Variants in RAB7A observed in about 807,000 individuals in gnomAD.
RAB7A encodes ras-related protein Rab-7a.
RAB7A carries 2 observed loss-of-function variants against 24.5 expected under a neutral mutation model. The observed-to-expected ratio is 0.08, with a 90% CI of 0.03 to 0.26. The LOEUF (loss-of-function observed/expected upper bound fraction) is 0.26, where lower values mean the gene tolerates loss of function less well. Ranked by LOEUF, RAB7A falls within the 10% of genes least tolerant of loss-of-function variation. The pLI, the probability that RAB7A is intolerant of heterozygous loss-of-function variation, is 1.00. For missense variants in RAB7A, 118 were observed against 255.7 expected (o/e 0.46, Z 3.67); for synonymous variants, 100 against 95.9 (o/e 1.04, Z -0.25).
At chr3:128,769,491 T>C (rs140141167) in intron 1 of RAB7A, among the ~76,000 whole-genome samples, 30 of 152,352 alleles carry the variant, frequency 2.0e-4, no homozygotes, top group African/African-American at 7.0e-4. Flanking sequence ...GGTTTTTTTC[T>C]TACTGTGTTT....
intron 1 of RAB7A, among the ~76,000 whole-genome samples, chr3:128,743,910 T>C (rs1308203824): frequency 6.6e-6 from 1 of 151,290 alleles, no homozygotes; most frequent in Non-Finnish European, 1.5e-5. Context: ...CTCCTCAGCC[T>C]CCCGAGTAGC....
chr3:128,778,183 T>G (rs1415893441), intron 1 of RAB7A, among the ~76,000 whole-genome samples: 1 of 152,196 alleles, frequency 6.6e-6, no homozygotes, highest in African/African-American at 2.4e-5. Context: ...AGTAGAACTG[T>G]CCAATATAGT....
chr3:128,803,999 A>G (rs2107614726), intron 3 of RAB7A, among the ~76,000 whole-genome samples: 1 of 152,342 alleles, frequency 6.6e-6, no homozygotes, highest in East Asian at 1.9e-4. Context: ...GAGAAAAAGA[A>G]TAAAAGCCCC....
At chr3:128,729,215 A>C (rs1463932419) in intron 1 of RAB7A, among the ~76,000 whole-genome samples, 1 of 152,060 alleles carries the variant, frequency 6.6e-6, no homozygotes, top group Non-Finnish European at 1.5e-5. Context: ...TGTGGCTTTG[A>C]ATCAGTTTTC....
chr3:128,759,929 C>CT (rs1350373447), intron 1 of RAB7A, among the ~76,000 whole-genome samples: 2 of 152,148 alleles, frequency 1.3e-5, no homozygotes, highest in Non-Finnish European at 2.9e-5. Context: ...AGGCTGGTCT[C>CT]TAACTCCCGA....
chr3:128,795,548 C>T, intron 2 of RAB7A, 128 bp downstream of exon 2: 1 of 844,434 alleles, frequency 1.2e-6, no homozygotes, highest in Non-Finnish European at 2.0e-6. Flanking sequence ...ATGTTTCCCT[C>T]CACGGCAGAA....
At chr3:128,764,727 C>A (rs540278295) in intron 1 of RAB7A, 9 of 799,644 alleles carry the variant, frequency 1.1e-5, no homozygotes, top group Non-Finnish European at 2.0e-5. Flanking sequence ...TTGCATTCAG[C>A]CCACTCTCCC....
intron 1 of RAB7A, among the ~76,000 whole-genome samples, chr3:128,791,349 C>T (rs899606477): frequency 3.3e-5 from 5 of 152,120 alleles, no homozygotes; most frequent in African/African-American, 9.7e-5. Context: ...CCATGTTGGC[C>T]AGGCTGGTCT....
At chr3:128,763,512 C>T (rs546666266) in intron 1 of RAB7A, among the ~76,000 whole-genome samples, 14 of 152,188 alleles carry the variant, frequency 9.2e-5, no homozygotes, top group Admixed American at 7.2e-4. Context: ...CCACCAAGCC[C>T]GGCCTAGCTT....
chr3:128,727,635 C>G (rs1007250081), intron 1 of RAB7A, among the ~76,000 whole-genome samples: 1 of 152,242 alleles, frequency 6.6e-6, no homozygotes, highest in Admixed American at 6.5e-5. Flanking sequence ...CCTGGCAAAC[C>G]TGCCTAGTGA....
chr3:128,788,646 G>T (rs1019564329), intron 1 of RAB7A, among the ~76,000 whole-genome samples: 2 of 152,124 alleles, frequency 1.3e-5, no homozygotes, highest in African/African-American at 4.8e-5. Context: ...TCACCTCCAC[G>T]TGAGCTGTTA....
intron 1 of RAB7A, among the ~76,000 whole-genome samples, chr3:128,743,361 A>G (rs903311949): frequency 6.6e-6 from 1 of 152,192 alleles, no homozygotes; most frequent in Non-Finnish European, 1.5e-5. Flanking sequence ...CAGCCCAGAG[A>G]GGGGCTCCCA....
intron 1 of RAB7A, among the ~76,000 whole-genome samples, chr3:128,741,707 C>A (rs1210130810): frequency 1.3e-5 from 2 of 152,060 alleles, no homozygotes; most frequent in Non-Finnish European, 2.9e-5. Context: ...TTTAACTCTT[C>A]TGTTTCATTC....
intron 5 of RAB7A, among the ~76,000 whole-genome samples, 184 bp downstream of exon 5, chr3:128,807,855 G>T (rs1018292778): frequency 2.0e-5 from 3 of 152,180 alleles, no homozygotes; most frequent in African/African-American, 4.8e-5. Context: ...ATCCCACTTT[G>T]GGGGGAATAA....
chr3:128,763,088 A>G (rs1279015881), intron 1 of RAB7A, among the ~76,000 whole-genome samples: 1 of 150,070 alleles, frequency 6.7e-6, no homozygotes, highest in Non-Finnish European at 1.5e-5. Flanking sequence ...CCCACATTCT[A>G]GGTTTGTCTG....
intron 1 of RAB7A, chr3:128,785,124 G>T (rs1226731354): frequency 6.6e-6 from 1 of 152,072 alleles, no homozygotes; most frequent in Non-Finnish European, 1.5e-5. Context: ...CTGTAGAAGA[G>T]AGAACAGAAT....
chr3:128,768,969 CTTTTTTTTT>C (rs35457218), intron 1 of RAB7A, among the ~76,000 whole-genome samples: 9 of 72,614 alleles, frequency 1.2e-4, no homozygotes, highest in South Asian at 6.6e-4. Context: ...TCTTTCTTTC[CTTTTTTTTT>C]TTTTTTTTTT....
At chr3:128,796,046 C>T (rs957615510) in intron 2 of RAB7A, among the ~76,000 whole-genome samples, 5 of 152,034 alleles carry the variant, frequency 3.3e-5, no homozygotes, top group African/African-American at 7.2e-5. Context: ...CCACCGCGCC[C>T]GACCCAGATG....
At chr3:128,746,231 T>C (rs2070613336) in intron 1 of RAB7A, among the ~76,000 whole-genome samples, 1 of 152,206 alleles carries the variant, frequency 6.6e-6, no homozygotes, top group Non-Finnish European at 1.5e-5. Flanking sequence ...ATCAGTCTAC[T>C]CTCTACTTCT....
Sources: allele counts gnomAD v4.1 joint callset (sites outside exome capture counted in the v4.1 genomes callset), GRCh38; gene constraint gnomAD v4.1.1; transcripts MANE v1.5; gene names NCBI Gene and HGNC (gene_info 2026-07-23, HGNC 2026-07-21).